Variants in CYBC1 observed in about 807,000 individuals in gnomAD.
CYBC1 encodes the protein essential for reactive oxygen species protein.
CYBC1 carries 22 observed loss-of-function variants against 21.7 expected under a neutral mutation model. The ratio of observed to expected loss-of-function variants is 1.02; its 90% confidence interval spans 0.73 to 1.45. The LOEUF (loss-of-function observed/expected upper bound fraction) is 1.45. Ranked by LOEUF, CYBC1 falls within the 40% of genes most tolerant of loss-of-function variation. CYBC1 has a pLI of 0.00. For synonymous variants in CYBC1, 112 were observed against 98.7 expected, an observed-to-expected ratio of 1.13 and a Z score of -0.80; for missense variants, 237 against 242.1, an observed-to-expected ratio of 0.98 and a Z score of 0.14.
At chr17:82,445,795 G>T in intron 5 of CYBC1, 69 bp downstream of exon 5, 1 of 1,234,180 alleles carries the variant, frequency 8.1e-7, no homozygotes, top group Non-Finnish European at 1.1e-6. Context: ...GGCCCCGTGA[G>T]TCACCCAGAC....
chr17:82,447,630 A>C lies in CYBC1; in HGVS notation c.86-9T>G. 1 of 1,591,102 alleles carries C rather than the reference A, an allele frequency of 6.3e-7. No individual in the cohort carries two copies. The highest frequency in any genetic ancestry group is 8.5e-7 in the Non-Finnish European group (1 of 1,171,034). ...GCCAATCGACAAGATTCCTATGAAG[A>C]GAAAGTGACTGCCTGCCTATTGATC... On this transcript the variant is annotated splice_polypyrimidine_tract_variant and intron_variant, in intron 2 of 6. Coordinates refer to ENST00000306645, the MANE Select transcript of CYBC1 (RefSeq NM_001033046.4).
chr17:82,447,605 G>A lies in CYBC1; in HGVS notation c.102C>T (p.Gly34=). Residue 34 remains glycine, a synonymous_variant, in exon 3 of 7, where the codon GGC becomes GGT. Transcript: ENST00000306645. ...CTCCGCTGTAGTAGGCAGCAGCCAG[G>A]CCAATCGACAAGATTCCTATGAAGA... ...WSLLVGILSI[G]LAAAYYSGDS... The A allele has an allele frequency of 4.4e-6, 7 of 1,599,050 alleles. No individual in the cohort carries two copies. The highest frequency in any genetic ancestry group is 6.0e-6 in the Non-Finnish European group (7 of 1,174,836).
rs765672066 is a variant in CYBC1, at chr17:82,446,007, GC to G, written c.202-48del. ...CCACCATGAACCTCCAGGAACGGGGGCCCCGTGGCCGCTGGGGCCTCACCCC... is the reference window on the plus strand; with the variant it reads ...CCACCATGAACCTCCAGGAACGGGGGCCCGTGGCCGCTGGGGCCTCACCCC... On this transcript the variant is annotated intron_variant, in intron 4 of 6. Coordinates refer to ENST00000306645, the MANE Select transcript of CYBC1 (RefSeq NM_001033046.4). 8 of 1,532,092 alleles carry G rather than the reference GC, an allele frequency of 5.2e-6. No individual in the cohort carries two copies. The African/African-American group carries it at 1.1e-4, about 21-fold the overall frequency. The allele number at this position is 1,532,092 out of a possible 1,614,324, so 94.9% of individuals were successfully genotyped here.
chr17:82,447,507 AGTTTTT>A, intron 3 of CYBC1, 67 bp downstream of exon 3: 1 of 1,075,854 alleles, frequency 9.3e-7, no homozygotes, highest in African/African-American at 1.9e-5. Flanking sequence ...CACAAATGAC[AGTTTTT>A]CCTTCTTTTC....
chr17:82,448,889 G>A (rs377327824), intron 2 of CYBC1: 4 of 421,488 alleles, frequency 9.5e-6, no homozygotes, highest in East Asian at 5.1e-5. Flanking sequence ...CACCCATCAC[G>A]TGGTTCAAAA....
chr17:82,447,565 C>CGGGGGG lies in CYBC1; in HGVS notation c.127+9_127+14dup. 1.4e-6 allele frequency: 1 copy of CGGGGGG among 726,822 alleles called. No homozygotes were observed. The highest frequency in any genetic ancestry group is 4.0e-5 in the Admixed American group (1 of 24,864). 45.0% of individuals were successfully genotyped at this position (726,822 alleles called of 1,614,324 possible). ...CTGAGACAGTCATGGGGGGGTGGGG[C>CGGGGGG]GGGGGGTGCTTTACCTCCGCTGTAG... On this transcript the variant is annotated intron_variant, in intron 3 of 6. Coordinates refer to ENST00000306645, the MANE Select transcript of CYBC1 (RefSeq NM_001033046.4).
At chr17:82,447,440 G>T in intron 3 of CYBC1, 140 bp downstream of exon 3, 1 of 735,868 alleles carries the variant, frequency 1.4e-6, no homozygotes, top group Non-Finnish European at 2.4e-6. Flanking sequence ...AGGGCGCGGT[G>T]CCCGCCAGCA....
In CYBC1 at chr17:82,442,606, C is replaced by T. The variant is rs1599766246; in HGVS notation, c.*1398G>A. 1.3e-6 allele frequency: 2 copies of T among 1,549,950 alleles called. No individual in the cohort carries two copies. Among genetic ancestry groups the T allele is most frequent in the South Asian group, 1.2e-5 (1 of 84,014 alleles). ...CCCGCTTTGTGATCTGCATGTGTGA[C>T]ACTGATTCTTTGGAAATAAAGAGTG... On this transcript the variant is annotated 3_prime_UTR_variant, in exon 7 of 7. Transcript: ENST00000306645. The surrounding 1 kb of genome is among the most constrained non-coding windows in gnomAD (Gnocchi z 6.8).
chr17:82,443,435 C>A lies in CYBC1; in HGVS notation c.*569G>T. 1.6e-6 allele frequency: 1 copy of A among 624,034 alleles called. No homozygotes were observed. The highest frequency in any genetic ancestry group is 1.6e-5 in the South Asian group (1 of 60,618). 38.7% of individuals were successfully genotyped at this position (624,034 alleles called of 1,614,324 possible). On this transcript the variant is annotated 3_prime_UTR_variant, in exon 7 of 7. Coordinates refer to ENST00000306645, the MANE Select transcript of CYBC1 (RefSeq NM_001033046.4). This position sits in a 1 kb window ranked among gnomAD's most constrained non-coding sequence, Gnocchi z 6.7. ...CTGCAGCGTGCACAGCCAGGTAGGC[C>A]CTGGATGTTCACCCCTCACTGCCCT...
In CYBC1 at chr17:82,442,654, G is replaced by T. The variant is rs1464240650; in HGVS notation, c.*1350C>A. The T allele has an allele frequency of 2.0e-6, 3 of 1,466,550 alleles. No homozygotes were observed. The highest frequency in any genetic ancestry group is 1.9e-6 in the Non-Finnish European group (2 of 1,080,226). 90.8% of individuals were successfully genotyped at this position (1,466,550 alleles called of 1,614,324 possible). A position where few individuals can be genotyped will look rare whatever the true frequency, so the allele number is the denominator to read the frequency against. ...GTGGAAGCTGCAGGTGACACGTGAAGGGTTATTTATGGTTATGATGACCCT... is the reference window on the plus strand; with the variant it reads ...GTGGAAGCTGCAGGTGACACGTGAATGGTTATTTATGGTTATGATGACCCT... On this transcript the variant is annotated 3_prime_UTR_variant, in exon 7 of 7. Transcript: ENST00000306645. This position sits in a 1 kb window ranked among gnomAD's most constrained non-coding sequence, Gnocchi z 6.8.
chr17:82,446,511 G>C, intron 4 of CYBC1, 112 bp downstream of exon 4: 2 of 972,942 alleles, frequency 2.1e-6, no homozygotes, highest in Non-Finnish European at 3.2e-6. Context: ...AACGCTTCAG[G>C]ACGGGGAGGC....
At chr17:82,448,125 G>A (rs1187906748) in intron 2 of CYBC1, 1 of 222,964 alleles carries the variant, frequency 4.5e-6, no homozygotes, top group Non-Finnish European at 8.9e-6. Context: ...CAAAAAAGGT[G>A]GGCCCCAGCT....
intron 1 of CYBC1, chr17:82,449,544 C>A (rs746418895): frequency 2.7e-6 from 1 of 372,894 alleles, no homozygotes; most frequent in Non-Finnish European, 4.8e-6. Context: ...GTTTCCCGCT[C>A]AGACTCACGA....
In CYBC1 at chr17:82,447,618, A is replaced by G; in HGVS notation, c.89T>C (p.Ile30Thr). Reference sequence around the variant, plus strand: ...GGCAGCAGCCAGGCCAATCGACAAGATTCCTATGAAGAGAAAGTGACTGCC... The same window carrying G: ...GGCAGCAGCCAGGCCAATCGACAAGGTTCCTATGAAGAGAAAGTGACTGCC... ...GIRSWSLLVG[I>T]LSIGLAAAYY... is the part of the protein sequence containing the mutation. Residue 30 changes from isoleucine (I) to threonine (T), a missense_variant, in exon 3 of 7, where the codon ATC (isoleucine) becomes ACC (threonine). Transcript: ENST00000306645. 6.3e-7 allele frequency: 1 copy of G among 1,595,292 alleles called. No homozygotes were observed. Among genetic ancestry groups the G allele is most frequent in the Non-Finnish European group, 8.5e-7 (1 of 1,173,112 alleles).
Position 82,443,618 on chromosome 17 carries a change from G to A in CYBC1, c.*386C>T. On this transcript the variant is annotated 3_prime_UTR_variant, in exon 7 of 7. Coordinates refer to ENST00000306645, the MANE Select transcript of CYBC1 (RefSeq NM_001033046.4). The surrounding 1 kb of genome is among the most constrained non-coding windows in gnomAD (Gnocchi z 6.7). Reference sequence around the variant, plus strand: ...CAAAGCAGGAGTCCAGGGCTGGCGAGACCTCCGGCTGCAGAAAGGCAGGCC... The same window carrying A: ...CAAAGCAGGAGTCCAGGGCTGGCGAAACCTCCGGCTGCAGAAAGGCAGGCC... 1.4e-6 allele frequency: 1 copy of A among 722,474 alleles called. No individual in the cohort carries two copies. 44.8% of individuals were successfully genotyped at this position (722,474 alleles called of 1,614,324 possible). A position where few individuals can be genotyped will look rare whatever the true frequency, so the allele number is the denominator to read the frequency against.
At position 82,443,277 on chromosome 17, in the gene CYBC1, T is replaced by G; in HGVS notation, c.*727A>C. 1 of 364,054 alleles carries G rather than the reference T, an allele frequency of 2.7e-6. No homozygotes were observed. The highest frequency in any genetic ancestry group is 5.4e-6 in the Non-Finnish European group (1 of 185,572). The allele number at this position is 364,054 out of a possible 1,614,324, so 22.6% of individuals were successfully genotyped here. A position where few individuals can be genotyped will look rare whatever the true frequency, so the allele number is the denominator to read the frequency against. On this transcript the variant is annotated 3_prime_UTR_variant, in exon 7 of 7. Coordinates refer to ENST00000306645, the MANE Select transcript of CYBC1 (RefSeq NM_001033046.4). This position sits in a 1 kb window ranked among gnomAD's most constrained non-coding sequence, Gnocchi z 6.7. Reference sequence around the variant, plus strand: ...TGACCTTTTTTCTGGCCTCACAGCTTATGCTGAAGCTGAGTGTGAGGAACA... The same window carrying G: ...TGACCTTTTTTCTGGCCTCACAGCTGATGCTGAAGCTGAGTGTGAGGAACA...
Position 82,443,027 on chromosome 17 carries a change from G to A in CYBC1, c.*977C>T, listed in dbSNP as rs371405208. On this transcript the variant is annotated 3_prime_UTR_variant, in exon 7 of 7. Transcript: ENST00000306645. This position sits in a 1 kb window ranked among gnomAD's most constrained non-coding sequence, Gnocchi z 6.7. ...CCTCCTGCCAGGTCTTCCCAGGTTC[G>A]AGAGAGGCTGGAACTCAATTTCTGC... 14 of 193,974 alleles carry A rather than the reference G, an allele frequency of 7.2e-5. No homozygotes were observed. Among genetic ancestry groups the A allele is most frequent in the Middle Eastern group, 2.3e-3 (1 of 432 alleles). The allele number at this position is 193,974 out of a possible 1,614,324, so 12.0% of individuals were successfully genotyped here.
chr17:82,444,252 A>C, intron 6 of CYBC1, 128 bp from the exon 7 acceptor site: 1 of 1,461,880 alleles, frequency 6.8e-7, no homozygotes, highest in Non-Finnish European at 9.1e-7. Context: ...TGGACCCAGC[A>C]CTTCCTGGCC....
rs2054082876 is a variant in CYBC1 at position 82,443,385 on chromosome 17, G to C, written c.*619C>G. On this transcript the variant is annotated 3_prime_UTR_variant, in exon 7 of 7. Coordinates refer to ENST00000306645, the MANE Select transcript of CYBC1 (RefSeq NM_001033046.4). The surrounding 1 kb of genome is among the most constrained non-coding windows in gnomAD (Gnocchi z 6.7). ...CATCAGCAAGGGAGGCGGGTCCTCG[G>C]GGAGGGGCAGCTTCCACAGTGTGGC... The C allele has an allele frequency of 3.9e-6, 2 of 508,976 alleles. No individual in the cohort carries two copies. The highest frequency in any genetic ancestry group is 7.3e-6 in the Non-Finnish European group (2 of 273,734). The allele number at this position is 508,976 out of a possible 1,614,324, so 31.5% of individuals were successfully genotyped here.
Sources: allele counts gnomAD v4.1 joint callset, GRCh38; gene constraint gnomAD v4.1.1; non-coding constraint Gnocchi (gnomAD v3.1); transcripts MANE v1.5; gene names NCBI Gene and HGNC (gene_info 2026-07-23, HGNC 2026-07-21).